The following MIS18BP1 variants were observed in gnomAD, a reference collection of about 807,000 sequenced individuals.
MIS18BP1 encodes mis18-binding protein 1.
MIS18BP1 carries 72 observed loss-of-function variants against 116.1 expected under a neutral mutation model. That is an observed-to-expected ratio of 0.62 (90% CI 0.51 to 0.75). MIS18BP1 has a LOEUF of 0.75. Ranked by LOEUF, MIS18BP1 falls within the 30% of genes least tolerant of loss-of-function variation. The probability of loss-of-function intolerance (pLI) is 0.00; values close to 1 mark genes in which losing one functional copy is unlikely to be tolerated. For missense variants in MIS18BP1, 1,363 were observed against 1,303.2 expected, an observed-to-expected ratio of 1.05 and a Z score of -0.71; for synonymous variants, 386 against 427.0, an observed-to-expected ratio of 0.90 and a Z score of 1.18.
chr14:45,247,134 G>T lies in MIS18BP1; in HGVS notation c.153C>A (p.Ser51=). 1 of 1,612,836 alleles carries T rather than the reference G, an allele frequency of 6.2e-7. No individual in the cohort carries two copies. The highest frequency in any genetic ancestry group is 8.5e-7 in the Non-Finnish European group (1 of 1,179,930). Residue 51 remains serine, a synonymous_variant, in exon 2 of 17, where the codon TCC becomes TCA. Coordinates refer to ENST00000310806, the MANE Select transcript of MIS18BP1 (RefSeq NM_018353.5). ...PVKDLVKYQN[S]SLKLNDHKKN... is the part of the protein sequence containing the mutation. ...TTTTATGGTCATTCAATTTTAAGGA[G>T]GAGTTCTGATATTTCACCAAATCTT...
intron 14 of MIS18BP1, among the ~76,000 whole-genome samples, chr14:45,208,328 TTG>T (rs1406237923): frequency 6.2e-5 from 9 of 144,248 alleles, no homozygotes; most frequent in Non-Finnish European, 1.1e-4. Context: ...AAGGATGAAG[TTG>T]TTTTTTTTTT....
Position 45,224,186 on chromosome 14 carries a change from C to T in MIS18BP1, c.2401G>A (p.Val801Ile). Reference sequence around the variant, plus strand: ...TTTCTTGTGCTCTTTCTCAGGTGAACCACTGCTTCTTTGGTGTTTCCTGCT... The same window carrying T: ...TTTCTTGTGCTCTTTCTCAGGTGAATCACTGCTTCTTTGGTGTTTCCTGCT... ...TKAGNTKEAV[V>I]HLRKSTRNTS... The change falls in exon 11 of 17, where the codon GTT becomes ATT. Residue 801 changes from valine (V) to isoleucine (I), a missense_variant. Physicochemically the swap from Val to Ile is conservative, Grantham distance 29. Coordinates refer to ENST00000310806, the MANE Select transcript of MIS18BP1 (RefSeq NM_018353.5). The T allele has an allele frequency of 6.2e-7, 1 of 1,614,080 alleles. No individual in the cohort carries two copies. The highest frequency in any genetic ancestry group is 1.1e-5 in the South Asian group (1 of 91,084).
intron 1 of MIS18BP1, 69 bp from the exon 2 acceptor site, chr14:45,247,446 T>C (rs1891753832): frequency 1.8e-6 from 1 of 569,084 alleles, no homozygotes; most frequent in African/African-American, 1.9e-5. Flanking sequence ...TTATTTGCTT[T>C]CCACAACATT....
chr14:45,217,687 C>T (rs1402595384), intron 12 of MIS18BP1, among the ~76,000 whole-genome samples: 3 of 152,038 alleles, frequency 2.0e-5, no homozygotes, highest in East Asian at 1.9e-4. Flanking sequence ...CGGTCCACCT[C>T]AGCCTCCCAA....
In MIS18BP1 at chr14:45,253,115, G is replaced by C. The variant is rs1486692773; in HGVS notation, c.-172C>G. ...CGGAGAGAGGGCCGCACGCCGCCGGGCTCGCGCCTCAGGCCCACGGTGTAT... is the reference window on the plus strand; with the variant it reads ...CGGAGAGAGGGCCGCACGCCGCCGGCCTCGCGCCTCAGGCCCACGGTGTAT... On this transcript the variant is annotated 5_prime_UTR_variant, in exon 1 of 17. Transcript: ENST00000310806. The C allele has an allele frequency of 6.6e-6, 1 of 152,334 alleles. No individual in the cohort carries two copies. The highest frequency in any genetic ancestry group is 1.5e-5 in the Non-Finnish European group (1 of 68,130). The allele number at this position is 152,334 out of a possible 1,614,324, so 9.4% of individuals were successfully genotyped here.
intron 10 of MIS18BP1, among the ~76,000 whole-genome samples, chr14:45,226,003 A>G (rs1273990952): frequency 1.3e-5 from 2 of 152,098 alleles, no homozygotes; most frequent in African/African-American, 4.8e-5. Context: ...GGCATCATAT[A>G]TCTTCAAATT....
intron 4 of MIS18BP1, among the ~76,000 whole-genome samples, chr14:45,239,988 T>G (rs896431073): frequency 6.6e-6 from 1 of 152,136 alleles, no homozygotes; most frequent in Non-Finnish European, 1.5e-5. Flanking sequence ...AAATCAAGAA[T>G]AAGAATCTCA....
chr14:45,214,961 G>GA (rs1444976803), intron 13 of MIS18BP1, among the ~76,000 whole-genome samples: 1 of 152,166 alleles, frequency 6.6e-6, no homozygotes, highest in Non-Finnish European at 1.5e-5. Context: ...ATGTTGGCCA[G>GA]ACTGGTCGCA....
At position 45,204,220 on chromosome 14, in the gene MIS18BP1, G is replaced by A. The variant is rs1890447717; in HGVS notation, c.3296-8C>T. The A allele has an allele frequency of 1.3e-6, 2 of 1,584,946 alleles. No homozygotes were observed. Among genetic ancestry groups the A allele is most frequent in the Non-Finnish European group, 1.7e-6 (2 of 1,171,142 alleles). On this transcript the variant is annotated splice_polypyrimidine_tract_variant and splice_region_variant and intron_variant, in intron 16 of 16. Transcript: ENST00000310806. ...CAGAGTTTTCTCCTAAGTCTGTAAA[G>A]AGAAGTTTAATAAAAAGATAATAAA...
chr14:45,218,657 TTACC>T (rs1264203559), intron 11 of MIS18BP1, among the ~76,000 whole-genome samples: 26 of 151,458 alleles, frequency 1.7e-4, no homozygotes, highest in Non-Finnish European at 2.4e-4. Flanking sequence ...AGATGTAATT[TTACC>T]TATCTAGTAG....
intron 11 of MIS18BP1, among the ~76,000 whole-genome samples, chr14:45,219,391 A>G (rs1231489391): frequency 6.6e-6 from 1 of 152,214 alleles, no homozygotes; most frequent in East Asian, 1.9e-4. Flanking sequence ...GTTGATGTCA[A>G]GCTACCAACA....
At chr14:45,235,207 C>CAAA (rs201225566) in intron 6 of MIS18BP1, among the ~76,000 whole-genome samples, 4 of 95,742 alleles carry the variant, frequency 4.2e-5, no homozygotes, top group African/African-American at 1.4e-4. Context: ...ACTCCATCTC[C>CAAA]AAAAAAAAAA....
At position 45,242,460 on chromosome 14, in the gene MIS18BP1, C is replaced by A; in HGVS notation, c.717G>T (p.Lys239Asn). ...TAGCCAACTGAGCTCTAGTTAATGT[C>A]TTGTTTCGGGCTTCTACAGCCAAAA... ...ENFLAVEARNKTLTRAQLAKQ... is the reference protein window; with the variant it reads ...ENFLAVEARNNTLTRAQLAKQ... Residue 239 changes from lysine to asparagine, a missense_variant, in exon 4 of 17, where the codon AAG (lysine) becomes AAT (asparagine). Transcript: ENST00000310806. 1 of 1,610,406 alleles carries A rather than the reference C, an allele frequency of 6.2e-7. No individual in the cohort carries two copies. The highest frequency in any genetic ancestry group is 1.1e-5 in the South Asian group (1 of 90,004).
intron 1 of MIS18BP1, among the ~76,000 whole-genome samples, chr14:45,249,220 T>G (rs1300033064): frequency 6.6e-6 from 1 of 152,146 alleles, no homozygotes; most frequent in South Asian, 2.1e-4. Context: ...GCTTCCCAAG[T>G]AGCTGGGATC....
chr14:45,250,746 G>A (rs1055392018), intron 1 of MIS18BP1, among the ~76,000 whole-genome samples: 1 of 151,718 alleles, frequency 6.6e-6, no homozygotes, highest in Non-Finnish European at 1.5e-5. Context: ...GCCAGGCCGC[G>A]TGCGGTGGCT....
chr14:45,239,002 A>G (rs1471962918), intron 4 of MIS18BP1, among the ~76,000 whole-genome samples: 1 of 152,210 alleles, frequency 6.6e-6, no homozygotes, highest in Non-Finnish European at 1.5e-5. Context: ...GGGAAGTAAC[A>G]GTAAATAATA....
intron 15 of MIS18BP1, 77 bp from the exon 16 acceptor site, chr14:45,204,530 T>A: frequency 9.5e-7 from 1 of 1,054,292 alleles, no homozygotes; most frequent in South Asian, 1.5e-5. Context: ...AAATTAAGCA[T>A]GCTTATCCCC....
chr14:45,242,517 T>G lies in MIS18BP1; in HGVS notation c.660A>C (p.Glu220Asp). The G allele has an allele frequency of 6.4e-7, 1 of 1,571,092 alleles. No individual in the cohort carries two copies. Among genetic ancestry groups the G allele is most frequent in the South Asian group, 1.2e-5 (1 of 83,964 alleles). ...CCTGTTCTTGGTTCAGAGTTGGAAG[T>G]TCTGCAAAAAATACAAAACAAAACA... ...KKAPLHNLTY[E>D]LPTLNQEQEN... The change falls in exon 4 of 17, where the codon GAA (glutamate) becomes GAC (aspartate). Residue 220 changes from glutamate to aspartate, a missense_variant and splice_region_variant. By Grantham distance (45) the Glu-to-Asp change is conservative. Coordinates refer to ENST00000310806, the MANE Select transcript of MIS18BP1 (RefSeq NM_018353.5).
In MIS18BP1 at chr14:45,250,722, G is replaced by A. The variant is rs565416211; in HGVS notation, c.-92+2313C>T. On this transcript the variant is annotated intron_variant, in intron 1 of 16. Coordinates refer to ENST00000310806, the MANE Select transcript of MIS18BP1 (RefSeq NM_018353.5). ...AAGACATGGGAATGGGAAAACCATT[G>A]GATGAAAGGGCTGGCCAGGCCGCGT... is the stretch of plus-strand genomic sequence containing the variant. Among the ~76,000 whole-genome samples, 10 of 152,316 alleles carry A rather than the reference G, an allele frequency of 6.6e-5. No individual in the cohort carries two copies. In the East Asian group the frequency reaches 1.9e-3, roughly 29 times the overall value.
Sources: allele counts gnomAD v4.1 joint callset (sites outside exome capture counted in the v4.1 genomes callset), GRCh38; gene constraint gnomAD v4.1.1; transcripts MANE v1.5; gene names NCBI Gene and HGNC (gene_info 2026-07-23, HGNC 2026-07-21).